LYPLA2: variants seen among roughly 807,000 people sequenced by gnomAD.
The protein encoded by LYPLA2 is lysophospholipase 2, also known as acyl-protein thioesterase 2.
A neutral mutation model predicts 30.3 loss-of-function variants in LYPLA2; 7 were observed. That is an observed-to-expected ratio of 0.23 (90% CI 0.13 to 0.43). The LOEUF (loss-of-function observed/expected upper bound fraction) is 0.43. Ranked by LOEUF, LYPLA2 falls within the 20% of genes least tolerant of loss-of-function variation. The pLI is 1.00. For synonymous variants in LYPLA2, 112 were observed against 118.2 expected, an observed-to-expected ratio of 0.95 and a Z score of 0.34; for missense variants, 206 against 307.9, an observed-to-expected ratio of 0.67 and a Z score of 2.48.
At position 23,793,595 on chromosome 1, in the gene LYPLA2, C is replaced by T. The variant is rs1409024590; in HGVS notation, c.177-110C>T. 7 of 1,140,924 alleles carry T rather than the reference C, an allele frequency of 6.1e-6. No homozygotes were observed. The highest frequency in any genetic ancestry group is 9.3e-6 in the Non-Finnish European group (7 of 753,490). The allele number at this position is 1,140,924 out of a possible 1,614,324, so 70.7% of individuals were successfully genotyped here. ...CCTGGCAACACCTTAAACACAGGCC[C>T]TGCCTGCTGGGAGGGGCCACCAGGG... On this transcript the variant is annotated intron_variant, in intron 4 of 9. Transcript: ENST00000374514. The surrounding 1 kb of genome is among the most constrained non-coding windows in gnomAD (Gnocchi z 6.0).
rs372635057 is a variant in LYPLA2 at position 23,793,655 on chromosome 1, C to T, written c.177-50C>T. On this transcript the variant is annotated intron_variant, in intron 4 of 9. Transcript: ENST00000374514. This position sits in a 1 kb window ranked among gnomAD's most constrained non-coding sequence, Gnocchi z 6.0. ...CCCCACTCCGGGCTCTGAGCTCTGGCCTCCTCATTCCTCCTGAGCATGATG... is the reference window on the plus strand; with the variant it reads ...CCCCACTCCGGGCTCTGAGCTCTGGTCTCCTCATTCCTCCTGAGCATGATG... 5.7e-6 allele frequency: 9 copies of T among 1,586,778 alleles called. No homozygotes were observed. In the East Asian group the frequency reaches 2.0e-4, roughly 35 times the overall value.
rs761878252 is a variant in LYPLA2, at chr1:23,794,717, G to A, written c.681G>A (p.Leu227=). ...CTGTGAAGGAATTTCTTGAGAAGCT[G>A]CTGCCTCCTGTCTAACTAGTCGCTG... ...MAAVKEFLEK[L]LPPV The change falls in exon 10 of 10, where the codon CTG becomes CTA. Residue 227 remains leucine (L), a synonymous_variant. Transcript: ENST00000374514. This position sits in a 1 kb window ranked among gnomAD's most constrained non-coding sequence, Gnocchi z 5.9. 1.2e-6 allele frequency: 2 copies of A among 1,614,170 alleles called. No individual in the cohort carries two copies. The highest frequency in any genetic ancestry group is 1.1e-5 in the South Asian group (1 of 91,078).
intron 1 of LYPLA2, 120 bp from the exon 2 acceptor site, chr1:23,792,537 A>C (rs1174395877): frequency 3.1e-6 from 2 of 653,380 alleles, no homozygotes; most frequent in East Asian, 2.6e-5. Context: ...TTGCTTGACT[A>C]TTCTTTGTGC....
chr1:23,792,886 G>T, intron 2 of LYPLA2, 122 bp from the exon 3 acceptor site: 1 of 1,253,128 alleles, frequency 8.0e-7, no homozygotes, highest in South Asian at 1.3e-5. Context: ...CAGGCTCGGG[G>T]TAGTAACCTG....
rs1281745712 is a variant in LYPLA2 at position 23,793,750 on chromosome 1, C to T, written c.222C>T (p.Ser74=). The T allele has an allele frequency of 1.2e-6, 2 of 1,614,032 alleles. No individual in the cohort carries two copies. Among genetic ancestry groups the T allele is most frequent in the Non-Finnish European group, 1.7e-6 (2 of 1,179,956 alleles). ...VTLNMKMVMP[S]WFDLMGLSPD... ...TCAACATGAAGATGGTGATGCCCTCCTGGTGAGTTTGGGAGTGGGGGTGGG... is the reference window on the plus strand; with the variant it reads ...TCAACATGAAGATGGTGATGCCCTCTTGGTGAGTTTGGGAGTGGGGGTGGG... The change falls in exon 5 of 10, where the codon TCC becomes TCT. Residue 74 remains serine, a splice_region_variant and synonymous_variant. Transcript: ENST00000374514. This position sits in a 1 kb window ranked among gnomAD's most constrained non-coding sequence, Gnocchi z 6.0.
chr1:23,794,335 C>A lies in LYPLA2; in HGVS notation c.471+10C>A. 1 of 1,601,360 alleles carries A rather than the reference C, an allele frequency of 6.2e-7. No individual in the cohort carries two copies. Among genetic ancestry groups the A allele is most frequent in the Non-Finnish European group, 8.6e-7 (1 of 1,169,518 alleles). ...CCGGGCCTTCCCCCAGGTGAATGTC[C>A]CCACTGACCCCCCCGCCCTTTGTGT... is the stretch of plus-strand genomic sequence containing the variant. On this transcript the variant is annotated intron_variant, in intron 8 of 9. Transcript: ENST00000374514. This position sits in a 1 kb window ranked among gnomAD's most constrained non-coding sequence, Gnocchi z 5.9.
chr1:23,794,344 C>A lies in LYPLA2; in HGVS notation c.471+19C>A, dbSNP rs769342458. 1.9e-5 allele frequency: 30 copies of A among 1,597,762 alleles called. No individual in the cohort carries two copies. Among genetic ancestry groups the A allele is most frequent in the South Asian group, 8.8e-5 (8 of 90,438 alleles). ...CCCCCAGGTGAATGTCCCCACTGAC[C>A]CCCCCGCCCTTTGTGTCTGCATCCT... On this transcript the variant is annotated intron_variant, in intron 8 of 9. Coordinates refer to ENST00000374514, the MANE Select transcript of LYPLA2 (RefSeq NM_007260.3). This position sits in a 1 kb window ranked among gnomAD's most constrained non-coding sequence, Gnocchi z 5.9.
Position 23,793,623 on chromosome 1 carries a change from G to A in LYPLA2, c.177-82G>A, listed in dbSNP as rs887350519. The A allele has an allele frequency of 5.5e-5, 78 of 1,422,414 alleles. No homozygotes were observed. Among genetic ancestry groups the A allele is most frequent in the Admixed American group, 3.7e-4 (22 of 59,610 alleles). 88.1% of individuals were successfully genotyped at this position (1,422,414 alleles called of 1,614,324 possible). A position where few individuals can be genotyped will look rare whatever the true frequency, so the allele number is the denominator to read the frequency against. ...CCTGCTGGGAGGGGCCACCAGGGGC[G>A]GCGCGGCCCCACTCCGGGCTCTGAG... On this transcript the variant is annotated intron_variant, in intron 4 of 9. Transcript: ENST00000374514. The surrounding 1 kb of genome is among the most constrained non-coding windows in gnomAD (Gnocchi z 6.0).
intron 1 of LYPLA2, among the ~76,000 whole-genome samples, chr1:23,792,345 G>T (rs1430330616): frequency 2.0e-5 from 3 of 152,104 alleles, no homozygotes; most frequent in African/African-American, 7.2e-5. Context: ...CAGGCGTGCC[G>T]CTGCCTCCCC....
Position 23,795,359 on chromosome 1 carries a change from T to G in LYPLA2, c.*627T>G. 1 of 216,860 alleles carries G rather than the reference T, an allele frequency of 4.6e-6. No individual in the cohort carries two copies. The highest frequency in any genetic ancestry group is 9.4e-6 in the Non-Finnish European group (1 of 106,038). The allele number at this position is 216,860 out of a possible 1,614,324, so 13.4% of individuals were successfully genotyped here. On this transcript the variant is annotated 3_prime_UTR_variant, in exon 10 of 10. Transcript: ENST00000374514. The stretch of plus-strand genomic sequence containing the variant: ...CCTCCTTCCCTGCAGGCCTGGAGCC[T>G]GTAGGGCTGGACTGAGGTTCAGGTC...
In LYPLA2 at chr1:23,793,606, G is replaced by A. The variant is rs776624180; in HGVS notation, c.177-99G>A. 1.4e-5 allele frequency: 17 copies of A among 1,240,052 alleles called. No individual in the cohort carries two copies. Among genetic ancestry groups the A allele is most frequent in the Non-Finnish European group, 2.0e-5 (17 of 841,288 alleles). The allele number at this position is 1,240,052 out of a possible 1,614,324, so 76.8% of individuals were successfully genotyped here. On this transcript the variant is annotated intron_variant, in intron 4 of 9. Coordinates refer to ENST00000374514, the MANE Select transcript of LYPLA2 (RefSeq NM_007260.3). This position sits in a 1 kb window ranked among gnomAD's most constrained non-coding sequence, Gnocchi z 6.0. Reference sequence around the variant, plus strand: ...CTTAAACACAGGCCCTGCCTGCTGGGAGGGGCCACCAGGGGCGGCGCGGCC... The same window carrying A: ...CTTAAACACAGGCCCTGCCTGCTGGAAGGGGCCACCAGGGGCGGCGCGGCC...
Position 23,794,580 on chromosome 1 carries a change from A to G in LYPLA2, c.625A>G (p.Met209Val). The G allele has an allele frequency of 6.2e-7, 1 of 1,614,142 alleles. No individual in the cohort carries two copies. Among genetic ancestry groups the G allele is most frequent in the Non-Finnish European group, 8.5e-7 (1 of 1,180,010 alleles). The change falls in exon 9 of 10, where the codon ATG (methionine) becomes GTG (valine). Residue 209 changes from methionine (M) to valine (V), a missense_variant. Physicochemically the swap from Met to Val is conservative, Grantham distance 21 (BLOSUM62 1). Transcript: ENST00000374514. The surrounding 1 kb of genome is among the most constrained non-coding windows in gnomAD (Gnocchi z 5.9). ...RVQFKTYPGV[M>V]HSSCPQEMAA... Reference sequence around the variant, plus strand: ...CCAGTTCAAGACATACCCGGGTGTCATGCACAGCTCCTGTCCTCAGGTCAG... The same window carrying G: ...CCAGTTCAAGACATACCCGGGTGTCGTGCACAGCTCCTGTCCTCAGGTCAG...
Position 23,793,567 on chromosome 1 carries a change from T to G in LYPLA2, c.177-138T>G. The G allele has an allele frequency of 1.2e-6, 1 of 858,214 alleles. No homozygotes were observed. The highest frequency in any genetic ancestry group is 1.5e-5 in the South Asian group (1 of 67,844). 53.2% of individuals were successfully genotyped at this position (858,214 alleles called of 1,614,324 possible). A position where few individuals can be genotyped will look rare whatever the true frequency, so the allele number is the denominator to read the frequency against. Reference sequence around the variant, plus strand: ...ACAGCCTCCAGCCCCACGTGGCAGGTTGCCTGGCAACACCTTAAACACAGG... The same window carrying G: ...ACAGCCTCCAGCCCCACGTGGCAGGGTGCCTGGCAACACCTTAAACACAGG... On this transcript the variant is annotated intron_variant, in intron 4 of 9. Transcript: ENST00000374514. The surrounding 1 kb of genome is among the most constrained non-coding windows in gnomAD (Gnocchi z 6.0).
At position 23,795,308 on chromosome 1, in the gene LYPLA2, G is replaced by C. The variant is rs1416057499; in HGVS notation, c.*576G>C. The C allele has an allele frequency of 4.4e-6, 1 of 229,840 alleles. No homozygotes were observed. Among genetic ancestry groups the C allele is most frequent in the Admixed American group, 5.2e-5 (1 of 19,114 alleles). The allele number at this position is 229,840 out of a possible 1,614,324, so 14.2% of individuals were successfully genotyped here. On this transcript the variant is annotated 3_prime_UTR_variant, in exon 10 of 10. Coordinates refer to ENST00000374514, the MANE Select transcript of LYPLA2 (RefSeq NM_007260.3). Reference sequence around the variant, plus strand: ...TCCCTCAGCTGTTTCCCCACACTGGGGGGCTGGGCCCTGCCTCCCCGTTAC... The same window carrying C: ...TCCCTCAGCTGTTTCCCCACACTGGCGGGCTGGGCCCTGCCTCCCCGTTAC...
rs765735975 is a variant in LYPLA2, at chr1:23,793,969, G to A, written c.295+39G>A. On this transcript the variant is annotated intron_variant, in intron 6 of 9. Transcript: ENST00000374514. The surrounding 1 kb of genome is among the most constrained non-coding windows in gnomAD (Gnocchi z 6.0). ...CCCTCCTCCACATCCTCCTTCCCCT[G>A]CCCCCCAGGAAAGCGCTGGGCGGTT... 3 of 1,598,896 alleles carry A rather than the reference G, an allele frequency of 1.9e-6. No homozygotes were observed. Among genetic ancestry groups the A allele is most frequent in the African/African-American group, 2.7e-5 (2 of 74,474 alleles).
chr1:23,793,965 C>A lies in LYPLA2; in HGVS notation c.295+35C>A, dbSNP rs1214359981. 1.2e-6 allele frequency: 2 copies of A among 1,601,452 alleles called. No individual in the cohort carries two copies. Among genetic ancestry groups the A allele is most frequent in the African/African-American group, 2.7e-5 (2 of 74,788 alleles). ...CAGCCCCTCCTCCACATCCTCCTTCCCCTGCCCCCCAGGAAAGCGCTGGGC... is the reference window on the plus strand; with the variant it reads ...CAGCCCCTCCTCCACATCCTCCTTCACCTGCCCCCCAGGAAAGCGCTGGGC... On this transcript the variant is annotated intron_variant, in intron 6 of 9. Transcript: ENST00000374514. The surrounding 1 kb of genome is among the most constrained non-coding windows in gnomAD (Gnocchi z 6.0).
chr1:23,793,796 G>A lies in LYPLA2; in HGVS notation c.224+44G>A. The A allele has an allele frequency of 1.2e-6, 2 of 1,613,096 alleles. No homozygotes were observed. Among genetic ancestry groups the A allele is most frequent in the Non-Finnish European group, 1.7e-6 (2 of 1,179,066 alleles). On this transcript the variant is annotated intron_variant, in intron 5 of 9. Transcript: ENST00000374514. This position sits in a 1 kb window ranked among gnomAD's most constrained non-coding sequence, Gnocchi z 6.0. The stretch of plus-strand genomic sequence containing the variant: ...GTGGGCAGGGGGACGAGGACACTTG[G>A]GCTGAGGGAGCCACAGGGGGCTGGC...
In LYPLA2 at chr1:23,793,209, C is replaced by G; in HGVS notation, c.169C>G (p.Pro57Ala). 6.2e-7 allele frequency: 1 copy of G among 1,613,666 alleles called. No individual in the cohort carries two copies. The highest frequency in any genetic ancestry group is 8.5e-7 in the Non-Finnish European group (1 of 1,179,898). The change falls in exon 4 of 10, where the codon CCC (proline) becomes GCC (alanine). Residue 57 changes from proline (P) to alanine (A), a missense_variant. Pro to Ala is a conservative substitution (Grantham distance 27, BLOSUM62 -1). Transcript: ENST00000374514. The surrounding 1 kb of genome is among the most constrained non-coding windows in gnomAD (Gnocchi z 6.0). ...GCTCCCTCACGTCAAGTACATCTGT[C>G]CCCATGCGTGAGTGTCACCCCAGCA... ...IRLPHVKYICPHAPRIPVTLN... is the reference protein window; with the variant it reads ...IRLPHVKYICAHAPRIPVTLN...
Position 23,793,949 on chromosome 1 carries a change from C to T in LYPLA2, c.295+19C>T. On this transcript the variant is annotated intron_variant, in intron 6 of 9. Coordinates refer to ENST00000374514, the MANE Select transcript of LYPLA2 (RefSeq NM_007260.3). This position sits in a 1 kb window ranked among gnomAD's most constrained non-coding sequence, Gnocchi z 6.0. ...GAGAACAGTAAGACCCCAGCCCCTC[C>T]TCCACATCCTCCTTCCCCTGCCCCC... 1 of 1,609,208 alleles carries T rather than the reference C, an allele frequency of 6.2e-7. No individual in the cohort carries two copies. Among genetic ancestry groups the T allele is most frequent in the Non-Finnish European group, 8.5e-7 (1 of 1,175,600 alleles).
Sources: gnomAD v4.1 joint callset for allele counts (sites outside exome capture counted in the v4.1 genomes callset) on GRCh38, gnomAD v4.1.1 for gene constraint, Gnocchi (gnomAD v3.1) non-coding constraint, MANE v1.5 for transcripts, NCBI Gene and HGNC (gene_info 2026-07-23, HGNC 2026-07-21) for gene names.